Variants in RAPGEF6 observed in about 807,000 individuals in gnomAD.
The protein encoded by RAPGEF6 is Rap guanine nucleotide exchange factor 6, also known as PDZ domain containing guanine nucleotide exchange factor (GEF) 2.
RAPGEF6 carries 56 observed loss-of-function variants against 171.4 expected under a neutral mutation model. That is an observed-to-expected ratio of 0.33 (90% CI 0.26 to 0.41). The LOEUF is 0.41. Among genes scored for constraint, RAPGEF6 ranks in the 10% least tolerant of loss-of-function variants. The pLI is 1.00. For missense variants in RAPGEF6, 1,674 were observed against 1,921.4 expected (o/e 0.87, Z 2.41); for synonymous variants, 692 against 650.1 (o/e 1.06, Z -0.98).
At chr5:131,487,269 G>C (rs1490942603) in intron 15 of RAPGEF6, among the ~76,000 whole-genome samples, 1 of 152,210 alleles carries the variant, frequency 6.6e-6, no homozygotes, top group Admixed American at 6.5e-5. Flanking sequence ...CAAAGAGTGA[G>C]CAGCAGCAAG....
At chr5:131,632,246 C>T (rs1022278855) in intron 1 of RAPGEF6, among the ~76,000 whole-genome samples, 2 of 152,114 alleles carry the variant, frequency 1.3e-5, no homozygotes, top group East Asian at 3.9e-4. Flanking sequence ...CACCCTTCTC[C>T]AGTCACACAA....
intron 15 of RAPGEF6, among the ~76,000 whole-genome samples, chr5:131,483,786 A>G (rs1453898469): frequency 1.3e-5 from 2 of 152,078 alleles, no homozygotes; most frequent in African/African-American, 4.8e-5. Flanking sequence ...GTAACAATAT[A>G]AAAAGGGGCA....
intron 4 of RAPGEF6, among the ~76,000 whole-genome samples, chr5:131,567,219 T>C (rs1024301194): frequency 5.3e-5 from 8 of 152,316 alleles, no homozygotes; most frequent in South Asian, 2.1e-4. Context: ...TCAAAGTTTA[T>C]CAAGTTTTGT....
At chr5:131,440,757 A>G (rs954195143) in intron 23 of RAPGEF6, among the ~76,000 whole-genome samples, 1 of 150,808 alleles carries the variant, frequency 6.6e-6, no homozygotes, top group Non-Finnish European at 1.5e-5. Context: ...AAAAAAAAAA[A>G]AAAAGAAAGA....
intron 7 of RAPGEF6, among the ~76,000 whole-genome samples, chr5:131,511,481 C>CTTTTTTTTTTTTT (rs55782171): frequency 5.8e-5 from 8 of 137,332 alleles, no homozygotes; most frequent in African/African-American, 5.4e-5. Flanking sequence ...AAAAGATCAT[C>CTTTTTTTTTTTTT]TTTTTTTTTT....
chr5:131,425,798 T>C lies in RAPGEF6; in HGVS notation c.*1468A>G, dbSNP rs1223990062. 2 of 150,494 alleles carry C rather than the reference T, an allele frequency of 1.3e-5. No homozygotes were observed. Among genetic ancestry groups the C allele is most frequent in the Non-Finnish European group, 2.9e-5 (2 of 67,820 alleles). 9.3% of individuals were successfully genotyped at this position (150,494 alleles called of 1,614,324 possible). On this transcript the variant is annotated 3_prime_UTR_variant, in exon 28 of 28. Coordinates refer to ENST00000509018, the MANE Select transcript of RAPGEF6 (RefSeq NM_016340.6). ...TAAAGGAGGCCACAAACCAACTAAATCCTATGTGGACACATACGGACAGCC... is the reference window on the plus strand; with the variant it reads ...TAAAGGAGGCCACAAACCAACTAAACCCTATGTGGACACATACGGACAGCC...
At chr5:131,633,311 G>C (rs1352161422) in intron 1 of RAPGEF6, among the ~76,000 whole-genome samples, 1 of 152,170 alleles carries the variant, frequency 6.6e-6, no homozygotes, top group Non-Finnish European at 1.5e-5. Flanking sequence ...CTCCAGCCTG[G>C]GCTATAGAGG....
chr5:131,612,997 T>A (rs561361361), intron 1 of RAPGEF6, among the ~76,000 whole-genome samples: 99 of 152,310 alleles, frequency 6.5e-4, no homozygotes, highest in African/African-American at 2.3e-3. Context: ...GAAAAGCCCC[T>A]CCTCAAAGAG....
rs766809006 is a variant in RAPGEF6 at position 131,453,060 on chromosome 5, C to T, written c.3194G>A (p.Arg1065Gln). ...SANMDPAMMF[R>Q]QRSLSQGSTN... ...ACATATTTCAATGTCCTACCTCTGT[C>T]GAAACATCATAGCTGGGTCCATGTT... Residue 1065 changes from arginine to glutamine, a missense_variant, in exon 21 of 28, where the codon CGA becomes CAA. Physicochemically the swap from Arg to Gln is conservative, Grantham distance 43. Coordinates refer to ENST00000509018, the MANE Select transcript of RAPGEF6 (RefSeq NM_016340.6). 213 of 1,612,862 alleles carry T rather than the reference C, an allele frequency of 1.3e-4. No homozygotes were observed. Among genetic ancestry groups the T allele is most frequent in the Non-Finnish European group, 1.7e-4 (195 of 1,179,342 alleles).
At chr5:131,625,282 A>G (rs1765840146) in intron 1 of RAPGEF6, among the ~76,000 whole-genome samples, 1 of 152,120 alleles carries the variant, frequency 6.6e-6, no homozygotes, top group African/African-American at 2.4e-5. Flanking sequence ...ACAAACAAAC[A>G]AAACAAATTA....
At chr5:131,481,867 T>C (rs1435477464) in intron 15 of RAPGEF6, among the ~76,000 whole-genome samples, 1 of 152,232 alleles carries the variant, frequency 6.6e-6, no homozygotes, top group Non-Finnish European at 1.5e-5. Context: ...CAGTATATGC[T>C]GCACCTTTTT....
chr5:131,436,615 AAAAAT>A (rs765432651), intron 24 of RAPGEF6, among the ~76,000 whole-genome samples: 17,702 of 96,490 alleles, frequency 0.18, 2,514 homozygotes, highest in African/African-American at 0.46. Context: ...AGCTGGTGAT[AAAAAT>A]AAAAACAAAA....
In RAPGEF6 at chr5:131,433,564, A is replaced by C. The variant is rs756755201; in HGVS notation, c.3840T>G (p.Ser1280=). 16 of 1,613,642 alleles carry C rather than the reference A, an allele frequency of 9.9e-6. No homozygotes were observed. Among genetic ancestry groups the C allele is most frequent in the Admixed American group, 8.3e-5 (5 of 60,006 alleles). The change falls in exon 25 of 28, where the codon TCT becomes TCG. Residue 1280 remains serine (S), a synonymous_variant. Coordinates refer to ENST00000509018, the MANE Select transcript of RAPGEF6 (RefSeq NM_016340.6). ...SSRSSIVSNC[S]VDSMSAALQD... ...GTAGAGCTGCAGACATGGAGTCAAC[A>C]GAACAATTGCTCACGATGCTGGACC...
chr5:131,489,968 T>C (rs1304266905), intron 14 of RAPGEF6, among the ~76,000 whole-genome samples: 1 of 152,180 alleles, frequency 6.6e-6, no homozygotes, highest in African/African-American at 2.4e-5. Flanking sequence ...GATCAGCTCA[T>C]AAAAATTATT....
intron 17 of RAPGEF6, among the ~76,000 whole-genome samples, chr5:131,468,163 T>TA (rs530236661): frequency 2.1e-4 from 30 of 146,266 alleles, no homozygotes; most frequent in African/African-American, 4.5e-4. Flanking sequence ...CCATCTCTAC[T>TA]AAAAAAAAAT....
chr5:131,589,045 G>C (rs1464581791), intron 4 of RAPGEF6, among the ~76,000 whole-genome samples: 1 of 151,906 alleles, frequency 6.6e-6, no homozygotes. Context: ...ATTCCAACCT[G>C]GGTGACAGAG....
chr5:131,603,271 CAA>C lies in RAPGEF6; in HGVS notation c.195_196del (p.Phe65LeufsTer32). The C allele has an allele frequency of 2.5e-6, 4 of 1,580,090 alleles. No individual in the cohort carries two copies. The highest frequency in any genetic ancestry group is 3.4e-6 in the Non-Finnish European group (4 of 1,163,262). ...TTATGTGAATTATGGAAATACTTAC[CAA>C]AAGAGAACCTGATTGCCACTGTATC... On this transcript the variant is annotated frameshift_variant and splice_region_variant, in exon 3 of 28. Coordinates refer to ENST00000509018, the MANE Select transcript of RAPGEF6 (RefSeq NM_016340.6). LOFTEE classifies it high-confidence loss of function.
chr5:131,469,925 G>C, intron 17 of RAPGEF6: 1 of 815,264 alleles, frequency 1.2e-6, no homozygotes. Flanking sequence ...CTTTGAAAAT[G>C]AAGGATAAAT....
chr5:131,468,662 C>T (rs554773629), intron 17 of RAPGEF6, among the ~76,000 whole-genome samples: 123 of 152,204 alleles, frequency 8.1e-4, no homozygotes, highest in African/African-American at 2.8e-3. Context: ...TGTTATGTGT[C>T]AACAGGGTTC....
Sources: allele counts gnomAD v4.1 joint callset (sites outside exome capture counted in the v4.1 genomes callset), GRCh38; gene constraint gnomAD v4.1.1; transcripts MANE v1.5; gene names NCBI Gene and HGNC (gene_info 2026-07-23, HGNC 2026-07-21).